Variants in TRHDE observed in about 807,000 individuals in gnomAD.
TRHDE encodes the protein thyrotropin-releasing hormone-degrading ectoenzyme.
TRHDE carries 72 observed loss-of-function variants against 125.7 expected under a neutral mutation model. That is an observed-to-expected ratio of 0.57 (90% CI 0.47 to 0.70). The LOEUF is 0.70. Among genes scored for constraint, TRHDE ranks in the 30% least tolerant of loss-of-function variants. TRHDE has a pLI of 0.00. For missense variants in TRHDE, 1,110 were observed against 1,327.1 expected, an observed-to-expected ratio of 0.84 and a Z score of 2.54; for synonymous variants, 509 against 509.1, an observed-to-expected ratio of 1.00 and a Z score of 0.00.
chr12:72,214,403 T>G (rs1300395663), intron 2 of TRHDE, among the ~76,000 whole-genome samples: 1 of 152,208 alleles, frequency 6.6e-6, no homozygotes, highest in Non-Finnish European at 1.5e-5. Flanking sequence ...ACACCACATT[T>G]ACATTTGAAA....
At chr12:72,141,641 G>A (rs1334806668) in intron 2 of TRHDE, among the ~76,000 whole-genome samples, 4 of 152,206 alleles carry the variant, frequency 2.6e-5, no homozygotes, top group African/African-American at 4.8e-5. Flanking sequence ...ACTATGCCAA[G>A]TATTTCAGAT....
At chr12:72,399,742 T>G (rs1354058433) in intron 3 of TRHDE, among the ~76,000 whole-genome samples, 1 of 152,164 alleles carries the variant, frequency 6.6e-6, no homozygotes, top group African/African-American at 2.4e-5. Flanking sequence ...TCTTGTTGTT[T>G]TTTTCGTTCT....
At chr12:72,473,310 A>C in intron 5 of TRHDE, 130 bp downstream of exon 5, 2 of 607,076 alleles carry the variant, frequency 3.3e-6, no homozygotes, top group Non-Finnish European at 5.7e-6. Flanking sequence ...AAGTGTAACC[A>C]AAAATTGAAA....
rs115647570 is a variant in TRHDE at position 72,329,760 on chromosome 12, G to A, written c.1188+42806G>A. Among the ~76,000 whole-genome samples the A allele has an allele frequency of 9.9e-3, 1,513 of 152,284 alleles. 24 individuals carry two copies. Among genetic ancestry groups the A allele is most frequent in the African/African-American group, 0.033 (1,386 of 41,566 alleles). ...GAGGTTCCCATCTAGTTTACACCATGAAATTATGGCTTATTTATCCTATGC... is the reference window on the plus strand; with the variant it reads ...GAGGTTCCCATCTAGTTTACACCATAAAATTATGGCTTATTTATCCTATGC... On this transcript the variant is annotated intron_variant, in intron 2 of 18. Coordinates refer to ENST00000261180, the MANE Select transcript of TRHDE (RefSeq NM_013381.3).
chr12:72,649,811 C>A (rs575792442), intron 15 of TRHDE, among the ~76,000 whole-genome samples: 2 of 151,960 alleles, frequency 1.3e-5, no homozygotes, highest in African/African-American at 4.8e-5. Context: ...CAGGAAAATG[C>A]AAATGAAAAT....
At chr12:72,579,326 A>G (rs923117157) in intron 12 of TRHDE, among the ~76,000 whole-genome samples, 1 of 152,078 alleles carries the variant, frequency 6.6e-6, no homozygotes, top group Non-Finnish European at 1.5e-5. Context: ...GGCAAAAGTG[A>G]TTTTATAAAA....
chr12:72,140,290 A>C (rs1221214418), intron 2 of TRHDE: 2 of 152,054 alleles, frequency 1.3e-5, no homozygotes, highest in Non-Finnish European at 2.9e-5. Flanking sequence ...CAACTCAGAC[A>C]CTCCCTTGTA....
intron 2 of TRHDE, among the ~76,000 whole-genome samples, chr12:72,294,234 C>T (rs1328303167): frequency 6.6e-6 from 1 of 152,194 alleles, no homozygotes; most frequent in Non-Finnish European, 1.5e-5. Flanking sequence ...TTAGCCTCAC[C>T]ATTCAATGGG....
At chr12:72,233,520 TATA>T (rs948858220) in intron 2 of TRHDE, among the ~76,000 whole-genome samples, 1 of 152,164 alleles carries the variant, frequency 6.6e-6, no homozygotes, top group Non-Finnish European at 1.5e-5. Flanking sequence ...ATTAAAAAAG[TATA>T]ATAATAAGAA....
intron 2 of TRHDE, among the ~76,000 whole-genome samples, chr12:72,238,589 T>A (rs1878411477): frequency 6.6e-6 from 1 of 150,988 alleles, no homozygotes; most frequent in Non-Finnish European, 1.5e-5. Context: ...TTCCCCTCCC[T>A]GTGTCCATGT....
chr12:72,390,754 G>T (rs1872585578), intron 3 of TRHDE, among the ~76,000 whole-genome samples: 1 of 152,084 alleles, frequency 6.6e-6, no homozygotes, highest in South Asian at 2.1e-4. Flanking sequence ...ACTCTAAGTG[G>T]TTATTATAAT....
intron 7 of TRHDE, among the ~76,000 whole-genome samples, chr12:72,543,035 A>G (rs925116248): frequency 6.6e-6 from 1 of 151,444 alleles, no homozygotes; most frequent in Non-Finnish European, 1.5e-5. Flanking sequence ...AGTAGCTGTG[A>G]TTGATGAATT....
At chr12:72,248,075 A>T (rs1217973669) in intron 2 of TRHDE, among the ~76,000 whole-genome samples, 13 of 152,194 alleles carry the variant, frequency 8.5e-5, no homozygotes, top group African/African-American at 3.1e-4. Flanking sequence ...ATATGTGTGT[A>T]CATATGTACG....
At chr12:72,243,103 AG>A (rs1878514565) in intron 2 of TRHDE, among the ~76,000 whole-genome samples, 1 of 152,204 alleles carries the variant, frequency 6.6e-6, no homozygotes, top group African/African-American at 2.4e-5. Flanking sequence ...CTTGGGATAC[AG>A]GCAACACCCA....
intron 5 of TRHDE, among the ~76,000 whole-genome samples, chr12:72,477,507 C>T (rs952329546): frequency 6.6e-5 from 10 of 152,148 alleles, no homozygotes; most frequent in Admixed American, 3.9e-4. Context: ...AAAGAGGATT[C>T]ATAGCATGAA....
At chr12:72,403,061 G>C (rs1304207320) in intron 3 of TRHDE, among the ~76,000 whole-genome samples, 2 of 152,156 alleles carry the variant, frequency 1.3e-5, no homozygotes, top group African/African-American at 4.8e-5. Flanking sequence ...CCTATGATGG[G>C]CACTGGGGCA....
At chr12:72,412,982 TG>T (rs908692551) in intron 3 of TRHDE, among the ~76,000 whole-genome samples, 12 of 152,050 alleles carry the variant, frequency 7.9e-5, no homozygotes, top group Admixed American at 7.9e-4. Context: ...TGCACACTTG[TG>T]GGGTCATTGG....
chr12:72,096,354 T>C (rs1874921992), intron 1 of TRHDE, among the ~76,000 whole-genome samples: 1 of 152,194 alleles, frequency 6.6e-6, no homozygotes, highest in Non-Finnish European at 1.5e-5. Flanking sequence ...TCTCTTTTAT[T>C]TTGGTATTAA....
At chr12:72,546,876 C>A (rs939007468) in intron 7 of TRHDE, among the ~76,000 whole-genome samples, 2 of 151,674 alleles carry the variant, frequency 1.3e-5, no homozygotes, top group African/African-American at 4.8e-5. Context: ...TCTGACAAAG[C>A]CCACATGCCT....
Sources: gnomAD v4.1 joint callset for allele counts (sites outside exome capture counted in the v4.1 genomes callset) on GRCh38, gnomAD v4.1.1 for gene constraint, MANE v1.5 for transcripts, NCBI Gene and HGNC (gene_info 2026-07-23, HGNC 2026-07-21) for gene names.